Variants in TSPEAR observed in about 807,000 individuals in gnomAD.
TSPEAR encodes the protein thrombospondin type laminin G domain and EAR repeats, also known as thrombospondin-type laminin G domain and EAR repeat-containing protein.
TSPEAR carries 69 observed loss-of-function variants against 71.6 expected under a neutral mutation model. The ratio of observed to expected loss-of-function variants is 0.96; its 90% CI spans 0.79 to 1.18. TSPEAR has a LOEUF of 1.18. TSPEAR is among the 50% of genes most tolerant of loss of function. The pLI is 0.00. For missense variants in TSPEAR, 971 were observed against 894.9 expected, an observed-to-expected ratio of 1.09 and a Z score of -1.09; for synonymous variants, 402 against 387.2, an observed-to-expected ratio of 1.04 and a Z score of -0.45.
At chr21:44,525,579 A>G (rs2052838154) in intron 8 of TSPEAR, 74 bp downstream of exon 8, 2 of 1,466,064 alleles carry the variant, frequency 1.4e-6, no homozygotes, top group Admixed American at 1.8e-5. Context: ...TAAGATACAC[A>G]TTCGCCCTGC....
chr21:44,585,168 T>C, intron 1 of TSPEAR, among the ~76,000 whole-genome samples: 2 of 152,332 alleles, frequency 1.3e-5, no homozygotes, highest in East Asian at 3.9e-4. Flanking sequence ...GTAAACTTTC[T>C]GGATCCCTGT....
chr21:44,645,227 A>G (rs587693437), intron 1 of TSPEAR, among the ~76,000 whole-genome samples: 16 of 152,378 alleles, frequency 1.1e-4, no homozygotes, highest in Non-Finnish European at 2.2e-4. Context: ...GCAGCTTCAA[A>G]TAAAACAAAG....
intron 1 of TSPEAR, among the ~76,000 whole-genome samples, chr21:44,668,412 A>G: frequency 6.6e-6 from 1 of 152,266 alleles, no homozygotes. Flanking sequence ...AATAAATGGA[A>G]ACACATCCCA....
intron 1 of TSPEAR, among the ~76,000 whole-genome samples, chr21:44,582,375 C>T (rs145262731): frequency 2.6e-5 from 4 of 152,330 alleles, no homozygotes; most frequent in Non-Finnish European, 5.9e-5. Flanking sequence ...CAGAAGAGTG[C>T]GTGCTTCCTG....
At chr21:44,697,390 C>T in intron 1 of TSPEAR, 2 of 1,613,558 alleles carry the variant, frequency 1.2e-6, no homozygotes, top group South Asian at 2.2e-5. Context: ...GCCCCTGCTG[C>T]CGAGTGACCT....
At chr21:44,571,811 A>C (rs1287113798) in intron 1 of TSPEAR, among the ~76,000 whole-genome samples, 1 of 152,252 alleles carries the variant, frequency 6.6e-6, no homozygotes, top group Non-Finnish European at 1.5e-5. Context: ...ATAGATAAAT[A>C]AATAAGGAAG....
intron 1 of TSPEAR, among the ~76,000 whole-genome samples, chr21:44,600,398 C>T (rs1980710986): frequency 6.6e-6 from 1 of 152,100 alleles, no homozygotes; most frequent in Admixed American, 6.5e-5. Flanking sequence ...ACTTTACAAA[C>T]TGAACGGCAT....
intron 9 of TSPEAR, chr21:44,516,059 G>C (rs782248404): frequency 1.3e-5 from 2 of 152,286 alleles, no homozygotes; most frequent in Non-Finnish European, 2.9e-5. Context: ...TTGTGGCCAG[G>C]TCCCTGCTCC....
chr21:44,564,195 T>C (rs1369427610), intron 2 of TSPEAR, among the ~76,000 whole-genome samples: 1 of 152,174 alleles, frequency 6.6e-6, no homozygotes, highest in Admixed American at 6.5e-5. Flanking sequence ...ACCACAAAAG[T>C]GCCACCAGTA....
intron 1 of TSPEAR, among the ~76,000 whole-genome samples, chr21:44,622,061 A>T (rs73907077): frequency 0.051 from 7,815 of 152,280 alleles, 641 homozygotes; most frequent in African/African-American, 0.18. Flanking sequence ...ATATAACATA[A>T]GACTTAAATA....
At chr21:44,500,022 C>G (rs1018550283) in intron 11 of TSPEAR, 86 bp from the exon 12 acceptor site, 26 of 1,396,086 alleles carry the variant, frequency 1.9e-5, no homozygotes, top group Non-Finnish European at 2.4e-5. Context: ...CTGTCAGGGA[C>G]CCAGCAGCTC....
intron 9 of TSPEAR, among the ~76,000 whole-genome samples, chr21:44,521,197 G>A (rs782259266): frequency 2.0e-5 from 3 of 152,204 alleles, no homozygotes; most frequent in South Asian, 2.1e-4. Context: ...TGCCTCCTCC[G>A]GGGAACTGGG....
At chr21:44,575,715 C>T (rs1417352987) in intron 1 of TSPEAR, among the ~76,000 whole-genome samples, 1 of 152,208 alleles carries the variant, frequency 6.6e-6, no homozygotes, top group Non-Finnish European at 1.5e-5. Flanking sequence ...AAATGCCTCC[C>T]TAGCTTCAAA....
intron 1 of TSPEAR, among the ~76,000 whole-genome samples, chr21:44,709,578 C>T (rs1555953186): frequency 6.6e-6 from 1 of 152,262 alleles, no homozygotes; most frequent in Non-Finnish European, 1.5e-5. Context: ...GAACCCCCAG[C>T]CTCGCGACCG....
At chr21:44,626,551 C>G (rs1448379000) in intron 1 of TSPEAR, among the ~76,000 whole-genome samples, 3 of 152,224 alleles carry the variant, frequency 2.0e-5, no homozygotes, top group Non-Finnish European at 2.9e-5. Context: ...GCCCACGATC[C>G]CTGCCCTGGA....
Position 44,567,837 on chromosome 21 carries a change from G to C in TSPEAR, c.251C>G (p.Pro84Arg), listed in dbSNP as rs781961587. 1 of 1,606,028 alleles carries C rather than the reference G, an allele frequency of 6.2e-7. No individual in the cohort carries two copies. The highest frequency in any genetic ancestry group is 8.5e-7 in the Non-Finnish European group (1 of 1,175,516). The change falls in exon 2 of 12, where the codon CCT (proline) becomes CGT (arginine). Residue 84 changes from proline to arginine, a missense_variant. Physicochemically the swap from Pro to Arg is moderately radical, Grantham distance 103 (BLOSUM62 -2). Coordinates refer to ENST00000323084, the MANE Select transcript of TSPEAR (RefSeq NM_144991.3). ...AGTTACGACGATGGAAAATTCTTCA[G>C]GGAAGAGGTCACACTGGGAGAAAAT... ...SRIFSQCDLFPEEFSIVVTLR... is the reference protein window; with the variant it reads ...SRIFSQCDLFREEFSIVVTLR...
chr21:44,648,204 CA>C (rs1267378194), intron 1 of TSPEAR, among the ~76,000 whole-genome samples: 1 of 152,092 alleles, frequency 6.6e-6, no homozygotes, highest in Non-Finnish European at 1.5e-5. Context: ...AGACACAGAG[CA>C]AAAAGACACC....
chr21:44,515,026 A>C (rs2052517132), intron 9 of TSPEAR, among the ~76,000 whole-genome samples: 1 of 151,506 alleles, frequency 6.6e-6, no homozygotes, highest in Admixed American at 6.6e-5. Context: ...CCCCACCTGC[A>C]CCCCACACCC....
At chr21:44,658,352 A>G in intron 1 of TSPEAR, 1 of 1,353,968 alleles carries the variant, frequency 7.4e-7, no homozygotes, top group African/African-American at 1.4e-5. Flanking sequence ...TTGCACACAT[A>G]GGGCAGATGA....
Sources: gnomAD v4.1 joint callset for allele counts (sites outside exome capture counted in the v4.1 genomes callset) on GRCh38, gnomAD v4.1.1 for gene constraint, MANE v1.5 for transcripts, NCBI Gene and HGNC (gene_info 2026-07-23, HGNC 2026-07-21) for gene names.